The following B4GALT2 variants were observed in gnomAD, a reference collection of about 807,000 sequenced individuals.
The protein encoded by B4GALT2 is N-acetyllactosamine synthase.
B4GALT2 carries 18 observed loss-of-function variants against 33.2 expected under a neutral mutation model. That is an observed-to-expected ratio of 0.54 (90% CI 0.38 to 0.80). B4GALT2 has a LOEUF of 0.80. Ranked by LOEUF, B4GALT2 falls within the 30% of genes least tolerant of loss-of-function variation. The probability of loss-of-function intolerance (pLI) is 0.00; values close to 1 mark genes in which losing one functional copy is unlikely to be tolerated. For synonymous variants in B4GALT2, 214 were observed against 217.6 expected, an observed-to-expected ratio of 0.98 and a Z score of 0.15; for missense variants, 404 against 526.2, an observed-to-expected ratio of 0.77 and a Z score of 2.27.
chr1:43,980,589 T>A (rs2085583199), intron 1 of B4GALT2: 2 of 996,166 alleles, frequency 2.0e-6, no homozygotes, highest in South Asian at 9.1e-5. Context: ...CTAAATGAAG[T>A]CATGAGTATA....
At position 43,981,562 on chromosome 1, in the gene B4GALT2, A is replaced by G. The variant is rs193170300; in HGVS notation, c.313+89A>G. 5.8e-5 allele frequency: 88 copies of G among 1,521,374 alleles called. No homozygotes were observed. The African/African-American group carries it at 1.1e-3, about 19-fold the overall frequency. The allele number at this position is 1,521,374 out of a possible 1,614,324, so 94.2% of individuals were successfully genotyped here. ...TGGCATCTGGACCCAGGGGTGTGCC[A>G]GGGGTCCAGGTCTGTTGTAAGAGGG... On this transcript the variant is annotated intron_variant, in intron 2 of 6. Coordinates refer to ENST00000372324, the MANE Select transcript of B4GALT2 (RefSeq NM_003780.5). The surrounding 1 kb of genome is among the most constrained non-coding windows in gnomAD (Gnocchi z 8.1).
chr1:43,982,627 C>A lies in B4GALT2; in HGVS notation c.549+703C>A, dbSNP rs1040350256. ...GCAGGGCCAGCAAGATAACTGGCCT[C>A]GTGTTCACGAACTATTGGCTGAGGT... On this transcript the variant is annotated intron_variant, in intron 3 of 6. Transcript: ENST00000372324. This position sits in a 1 kb window ranked among gnomAD's most constrained non-coding sequence, Gnocchi z 4.3. Among the ~76,000 whole-genome samples the A allele has an allele frequency of 6.6e-6, 1 of 152,182 alleles. No individual in the cohort carries two copies. The highest frequency in any genetic ancestry group is 1.5e-5 in the Non-Finnish European group (1 of 68,042).
intron 1 of B4GALT2, chr1:43,980,347 T>G (rs1055833201): frequency 1.1e-4 from 36 of 325,416 alleles, no homozygotes; most frequent in African/African-American, 7.3e-4. Context: ...ACCCAGAGTC[T>G]TGGTCCCAGT....
chr1:43,983,401 C>T lies in B4GALT2; in HGVS notation c.550-1464C>T, dbSNP rs1049150622. On this transcript the variant is annotated intron_variant, in intron 3 of 6. Coordinates refer to ENST00000372324, the MANE Select transcript of B4GALT2 (RefSeq NM_003780.5). ...GGAGACCCAGGGGAGTGTGGGATCC[C>T]GGAAACCCGGCAGTCAGTGTCAGGA... Among the ~76,000 whole-genome samples the T allele has an allele frequency of 2.6e-5, 4 of 152,162 alleles. No individual in the cohort carries two copies. In the East Asian group the frequency reaches 5.8e-4, roughly 22 times the overall value.
At chr1:43,988,282 A>C (rs1316212544) in intron 6 of B4GALT2, among the ~76,000 whole-genome samples, 4 of 150,250 alleles carry the variant, frequency 2.7e-5, no homozygotes, top group South Asian at 2.1e-4. Flanking sequence ...AGACTGAGGC[A>C]GGCAGATCAC....
chr1:43,980,079 C>G (rs1221293759), intron 1 of B4GALT2: 1 of 1,468,512 alleles, frequency 6.8e-7, no homozygotes, highest in South Asian at 1.3e-5. Context: ...TACTGTCACC[C>G]GGGTGTGTCT....
At chr1:43,989,865 C>G (rs2085705969) in intron 6 of B4GALT2, among the ~76,000 whole-genome samples, 1 of 152,142 alleles carries the variant, frequency 6.6e-6, no homozygotes, top group African/African-American at 2.4e-5. Context: ...CCACATTATA[C>G]AAATTGTTTT....
At chr1:43,989,319 T>C (rs1179016329) in intron 6 of B4GALT2, among the ~76,000 whole-genome samples, 1 of 12,816 alleles carries the variant, frequency 7.8e-5, no homozygotes, top group Non-Finnish European at 3.1e-4. Flanking sequence ...GTACTCTGTC[T>C]CAAAAAAAAA....
chr1:43,985,703 C>A, intron 6 of B4GALT2, 82 bp downstream of exon 6: 1 of 1,369,340 alleles, frequency 7.3e-7, no homozygotes, highest in East Asian at 2.3e-5. Flanking sequence ...GGCCCAATCC[C>A]TGATCCCCCA....
Position 43,981,071 on chromosome 1 carries a change from C to A in B4GALT2, c.-52-38C>A. The A allele has an allele frequency of 6.6e-7, 1 of 1,511,646 alleles. No individual in the cohort carries two copies. Among genetic ancestry groups the A allele is most frequent in the East Asian group, 2.4e-5 (1 of 40,922 alleles). 93.6% of individuals were successfully genotyped at this position (1,511,646 alleles called of 1,614,324 possible). On this transcript the variant is annotated intron_variant, in intron 1 of 6. Transcript: ENST00000372324. This position sits in a 1 kb window ranked among gnomAD's most constrained non-coding sequence, Gnocchi z 8.1. ...GGTGGGCAGCCTTGCCTGTCCTGCC[C>A]TGACCTGCTGGATCTGTTTCCCTCC...
intron 6 of B4GALT2, among the ~76,000 whole-genome samples, chr1:43,987,378 G>A (rs2085669963): frequency 6.6e-6 from 1 of 152,152 alleles, no homozygotes; most frequent in African/African-American, 2.4e-5. Flanking sequence ...GGAAGCCCTT[G>A]TTTACATTTC....
chr1:43,980,662 T>C (rs528514783), intron 1 of B4GALT2: 16 of 919,904 alleles, frequency 1.7e-5, no homozygotes, highest in South Asian at 4.5e-5. Context: ...AGCCATGAGT[T>C]CTGGGTTAAG....
Position 43,984,827 on chromosome 1 carries a change from C to A in B4GALT2, c.550-38C>A. The A allele has an allele frequency of 1.3e-6, 2 of 1,596,832 alleles. No individual in the cohort carries two copies. The highest frequency in any genetic ancestry group is 2.2e-5 in the South Asian group (2 of 90,116). On this transcript the variant is annotated intron_variant, in intron 3 of 6. Transcript: ENST00000372324. The surrounding 1 kb of genome is among the most constrained non-coding windows in gnomAD (Gnocchi z 5.6). ...GGCAAAAGGGCAGGTGCTTGTTGGTCACAGGCCCAGGGTTGACCTGCTCCT... is the reference window on the plus strand; with the variant it reads ...GGCAAAAGGGCAGGTGCTTGTTGGTAACAGGCCCAGGGTTGACCTGCTCCT...
Position 43,984,249 on chromosome 1 carries a change from GGATGCAGCTCCAGGGAGCCT to G in B4GALT2, c.550-613_550-594del, listed in dbSNP as rs1453502768. Among the ~76,000 whole-genome samples the G allele has an allele frequency of 7.9e-5, 12 of 152,256 alleles. No homozygotes were observed. The highest frequency in any genetic ancestry group is 3.9e-4 in the Admixed American group (6 of 15,290). ...GGTCTCAGAGGCTGCCCAGGCAGCC[GGATGCAGCTCCAGGGAGCCT>G]GAGGCTCCTGCATCTTAGACACTGG... On this transcript the variant is annotated intron_variant, in intron 3 of 6. Transcript: ENST00000372324. This position sits in a 1 kb window ranked among gnomAD's most constrained non-coding sequence, Gnocchi z 5.6.
In B4GALT2 at chr1:43,985,049, G is replaced by A; in HGVS notation, c.734G>A (p.Gly245Asp). ...TTTGCCATTGCCATGGACAAGTTTG[G>A]CTTCCGGTGAGGGCTCTCTTCTCAG... is the stretch of plus-strand genomic sequence containing the variant. ...RHFAIAMDKF[G>D]FRLPYAGYFG... The change falls in exon 4 of 7, where the codon GGC (glycine) becomes GAC (aspartate). Residue 245 changes from glycine (G) to aspartate (D), a missense_variant. Gly to Asp is a moderately conservative substitution (Grantham distance 94). Coordinates refer to ENST00000372324, the MANE Select transcript of B4GALT2 (RefSeq NM_003780.5). 1 of 1,613,648 alleles carries A rather than the reference G, an allele frequency of 6.2e-7. No individual in the cohort carries two copies. The highest frequency in any genetic ancestry group is 8.5e-7 in the Non-Finnish European group (1 of 1,179,924).
In B4GALT2 at chr1:43,984,665, C is replaced by T. The variant is rs1371580055; in HGVS notation, c.550-200C>T. On this transcript the variant is annotated intron_variant, in intron 3 of 6. Coordinates refer to ENST00000372324, the MANE Select transcript of B4GALT2 (RefSeq NM_003780.5). This position sits in a 1 kb window ranked among gnomAD's most constrained non-coding sequence, Gnocchi z 5.6. The stretch of plus-strand genomic sequence containing the variant: ...GGCCTCGGGACCTGAGGGCAGTGGC[C>T]AGAGAGGAGGCTGGAGCCACATATG... 6.6e-6 allele frequency among the ~76,000 whole-genome samples: 1 copy of T among 152,174 alleles called. No homozygotes were observed. Among genetic ancestry groups the T allele is most frequent in the Non-Finnish European group, 1.5e-5 (1 of 68,032 alleles).
In B4GALT2 at chr1:43,981,912, T is replaced by C. The variant is rs547534127; in HGVS notation, c.537T>C (p.Tyr179=). ...GGCAGCGGCTGCGCTACGGCGTCTA[T>C]GTCATCAACCAGGTGCCCATGCGGG... ...LRRQRLRYGV[Y]VINQHGEDTF... Residue 179 remains tyrosine (Y), a synonymous_variant, in exon 3 of 7, where the codon TAT becomes TAC. Coordinates refer to ENST00000372324, the MANE Select transcript of B4GALT2 (RefSeq NM_003780.5). The surrounding 1 kb of genome is among the most constrained non-coding windows in gnomAD (Gnocchi z 8.1). 30 of 1,613,720 alleles carry C rather than the reference T, an allele frequency of 1.9e-5. No homozygotes were observed. The Middle Eastern group carries it at 1.6e-3, about 89-fold the overall frequency.
chr1:43,987,289 G>T (rs561036335), intron 6 of B4GALT2, among the ~76,000 whole-genome samples: 84 of 152,250 alleles, frequency 5.5e-4, no homozygotes, highest in Non-Finnish European at 1.1e-3. Context: ...CTCTGTGAAT[G>T]TTGGATTCAT....
chr1:43,981,121 A>AT lies in B4GALT2; in HGVS notation c.-39dup. ...CCACCCTGCTCAGGCCAGCAGCCGG[A>AT]TGCCCGGGCCCACTGGGCGGGCCAG... is the stretch of plus-strand genomic sequence containing the variant. On this transcript the variant is annotated 5_prime_UTR_variant, in exon 2 of 7. An upstream start codon of the reference 5' UTR is lost. Transcript: ENST00000372324. This position sits in a 1 kb window ranked among gnomAD's most constrained non-coding sequence, Gnocchi z 8.1. 6.3e-7 allele frequency: 1 copy of AT among 1,589,400 alleles called. No individual in the cohort carries two copies. Among genetic ancestry groups the AT allele is most frequent in the Non-Finnish European group, 8.5e-7 (1 of 1,174,392 alleles).
Sources: allele counts gnomAD v4.1 joint callset (sites outside exome capture counted in the v4.1 genomes callset), GRCh38; gene constraint gnomAD v4.1.1; non-coding constraint Gnocchi (gnomAD v3.1); transcripts MANE v1.5; gene names NCBI Gene and HGNC (gene_info 2026-07-23, HGNC 2026-07-21).